Variants in WDR89 observed in about 807,000 individuals in gnomAD.
WDR89 encodes WD repeat-containing protein 89.
WDR89 carries 17 observed loss-of-function variants against 29.1 expected under a neutral mutation model. The ratio of observed to expected loss-of-function variants is 0.58; its 90% CI spans 0.40 to 0.88. The LOEUF is 0.88. Among genes scored for constraint, WDR89 ranks in the 40% least tolerant of loss-of-function variants. The pLI, the probability that WDR89 is intolerant of heterozygous loss-of-function variation, is 0.00. For missense variants in WDR89, 396 were observed against 456.3 expected (o/e 0.87, Z 1.20); for synonymous variants, 138 against 157.8 (o/e 0.87, Z 0.94).
At chr14:63,628,893 G>A (rs904792099) in intron 1 of WDR89, among the ~76,000 whole-genome samples, 2 of 151,640 alleles carry the variant, frequency 1.3e-5, no homozygotes, top group South Asian at 2.1e-4. Flanking sequence ...GAGTCTGGGG[G>A]CACCTATACT....
chr14:63,599,904 A>G lies in WDR89; in HGVS notation c.39T>C (p.Ile13=). The change falls in exon 3 of 3, where the codon ATT becomes ATC. Residue 13 remains isoleucine, a synonymous_variant. Transcript: ENST00000620954. The part of the protein sequence containing the change: ...KIEEQFANLH[I]VKCSLGTKEP... ...CTTTGGTTCCTAAGGAACATTTAAC[A>G]ATGTGCAGATTAGCAAATTGTTCCT... 6.2e-7 allele frequency: 1 copy of G among 1,611,482 alleles called. No individual in the cohort carries two copies. Among genetic ancestry groups the G allele is most frequent in the African/African-American group, 1.3e-5 (1 of 74,954 alleles).
chr14:63,628,389 G>A (rs1475500811), intron 1 of WDR89, among the ~76,000 whole-genome samples: 1 of 152,154 alleles, frequency 6.6e-6, no homozygotes, highest in Non-Finnish European at 1.5e-5. Context: ...TTCTTAGGCT[G>A]CAACATTCAT....
chr14:63,626,658 T>TAC (rs1267687111), intron 1 of WDR89, among the ~76,000 whole-genome samples: 1 of 105,326 alleles, frequency 9.5e-6, no homozygotes, highest in African/African-American at 3.6e-5. Flanking sequence ...CAGCCTGGGC[T>TAC]ACAGAGTGAG....
At chr14:63,616,717 C>T (rs774288949) in intron 2 of WDR89, among the ~76,000 whole-genome samples, 31 of 152,140 alleles carry the variant, frequency 2.0e-4, no homozygotes, top group South Asian at 8.3e-4. Flanking sequence ...AGAGCTCCAT[C>T]GGTCATGGTA....
At position 63,599,163 on chromosome 14, in the gene WDR89, G is replaced by A. The variant is rs530394636; in HGVS notation, c.780C>T (p.Ile260=). 2.2e-5 allele frequency: 36 copies of A among 1,612,668 alleles called. No homozygotes were observed. The highest frequency in any genetic ancestry group is 3.3e-5 in the Admixed American group (2 of 59,986). Residue 260 remains isoleucine (I), a synonymous_variant, in exon 3 of 3, where the codon ATC becomes ATT. Coordinates refer to ENST00000620954, the MANE Select transcript of WDR89 (RefSeq NM_080666.4). Reference sequence around the variant, plus strand: ...TGTTAACTACTTCTCTGACATCCTGGATGTTCAAACGTGTAACTGGTTCAT... The same window carrying A: ...TGTTAACTACTTCTCTGACATCCTGAATGTTCAAACGTGTAACTGGTTCAT... The part of the protein sequence containing the change: ...DTDEPVTRLN[I]QDVREVVNMK...
At chr14:63,631,835 G>C (rs945645743) in intron 1 of WDR89, among the ~76,000 whole-genome samples, 5 of 152,298 alleles carry the variant, frequency 3.3e-5, no homozygotes, top group African/African-American at 9.6e-5. Flanking sequence ...ATCCAGGCCA[G>C]GTGCGGTGGT....
intron 2 of WDR89, among the ~76,000 whole-genome samples, chr14:63,600,518 A>T (rs1455652454): frequency 6.6e-6 from 1 of 151,932 alleles, no homozygotes. Context: ...AAAATGCTGA[A>T]TTTACTATAT....
chr14:63,602,721 G>A (rs12881647), intron 2 of WDR89, among the ~76,000 whole-genome samples: 18 of 150,042 alleles, frequency 1.2e-4, no homozygotes, highest in East Asian at 4.0e-4. Flanking sequence ...GCGGTGAGCC[G>A]AGATCGCGCC....
At chr14:63,612,349 C>T (rs116860949) in intron 2 of WDR89, among the ~76,000 whole-genome samples, 582 of 146,394 alleles carry the variant, frequency 4.0e-3, no homozygotes, top group Non-Finnish European at 6.3e-3. Flanking sequence ...TTTTTTGAGA[C>T]GGAATCTCCT....
rs368946677 is a variant in WDR89 at position 63,632,450 on chromosome 14, G to A, written c.-137-7417C>T. Among the ~76,000 whole-genome samples the A allele has an allele frequency of 3.9e-4, 59 of 152,202 alleles. 1 individual carries two copies. Among genetic ancestry groups the A allele is most frequent in the East Asian group, 1.2e-3 (6 of 5,168 alleles). On this transcript the variant is annotated intron_variant, in intron 1 of 2. Coordinates refer to ENST00000620954, the MANE Select transcript of WDR89 (RefSeq NM_080666.4). ...GTTCAAGACCAGCCTGGCCAACATG[G>A]TGAAACCCGTCTCTACTTAAAAAAA...
intron 2 of WDR89, 107 bp downstream of exon 2, chr14:63,624,821 G>C (rs2139550118): frequency 6.6e-6 from 1 of 152,150 alleles, no homozygotes; most frequent in Admixed American, 6.6e-5. Flanking sequence ...ACCAAGTTCT[G>C]GCAAAAATGC....
intron 2 of WDR89, among the ~76,000 whole-genome samples, chr14:63,616,969 G>C (rs916118016): frequency 1.3e-5 from 2 of 151,662 alleles, no homozygotes; most frequent in African/African-American, 2.4e-5. Flanking sequence ...GTGAGAGAAG[G>C]GCAGTCAAAA....
At position 63,598,542 on chromosome 14, in the gene WDR89, G is replaced by C; in HGVS notation, c.*237C>G. Reference sequence around the variant, plus strand: ...AAAGCCAACATTTACTACATTAACAGATGGGTTCTTTAAATAAGAAATTTT... The same window carrying C: ...AAAGCCAACATTTACTACATTAACACATGGGTTCTTTAAATAAGAAATTTT... On this transcript the variant is annotated 3_prime_UTR_variant, in exon 3 of 3. Coordinates refer to ENST00000620954, the MANE Select transcript of WDR89 (RefSeq NM_080666.4). The C allele has an allele frequency of 3.0e-6, 1 of 333,624 alleles. No individual in the cohort carries two copies. The highest frequency in any genetic ancestry group is 5.4e-6 in the Non-Finnish European group (1 of 186,688). 20.7% of individuals were successfully genotyped at this position (333,624 alleles called of 1,614,324 possible). A position where few individuals can be genotyped will look rare whatever the true frequency, so the allele number is the denominator to read the frequency against.
At chr14:63,627,623 A>C (rs528751785) in intron 1 of WDR89, among the ~76,000 whole-genome samples, 8 of 152,072 alleles carry the variant, frequency 5.3e-5, no homozygotes, top group South Asian at 2.1e-4. Flanking sequence ...CTCTCTCTCT[A>C]GTTTTGCCTT....
intron 2 of WDR89, chr14:63,601,655 A>T: frequency 6.2e-7 from 1 of 1,613,240 alleles, no homozygotes; most frequent in Non-Finnish European, 8.5e-7. Context: ...TCGCTGTTGG[A>T]TCGGGTTCTA....
intron 2 of WDR89, among the ~76,000 whole-genome samples, chr14:63,615,534 G>C (rs1251670880): frequency 1.3e-5 from 2 of 152,144 alleles, no homozygotes; most frequent in Non-Finnish European, 2.9e-5. Context: ...CATTATCTAA[G>C]AGCCAGCTAC....
intron 2 of WDR89, among the ~76,000 whole-genome samples, chr14:63,602,959 T>C (rs1328449481): frequency 2.0e-5 from 3 of 152,080 alleles, no homozygotes. Context: ...GGTTTCACCG[T>C]GTTAGCCAGG....
chr14:63,600,780 A>C (rs1235015792), intron 2 of WDR89, among the ~76,000 whole-genome samples: 1 of 149,914 alleles, frequency 6.7e-6, no homozygotes, highest in East Asian at 2.0e-4. Flanking sequence ...TTCATGCCTT[A>C]ATCCCTGGAA....
In WDR89 at chr14:63,610,733, C is replaced by T. The variant is rs1366486146; in HGVS notation, c.-31-10760G>A. The stretch of plus-strand genomic sequence containing the variant: ...TTTTTTTTTTTTTGAGAGGGAGTCT[C>T]ACTCTGTCACCCAGGCTGGAGTGCA... On this transcript the variant is annotated intron_variant, in intron 2 of 2. Coordinates refer to ENST00000620954, the MANE Select transcript of WDR89 (RefSeq NM_080666.4). Among the ~76,000 whole-genome samples, 3 of 139,612 alleles carry T rather than the reference C, an allele frequency of 2.1e-5. No individual in the cohort carries two copies. In the East Asian group the frequency reaches 6.2e-4, roughly 29 times the overall value. 91.6% of individuals were successfully genotyped at this position (139,612 alleles called of 152,430 possible). A position where few individuals can be genotyped will look rare whatever the true frequency, so the allele number is the denominator to read the frequency against.
Sources: allele counts gnomAD v4.1 joint callset (sites outside exome capture counted in the v4.1 genomes callset), GRCh38; gene constraint gnomAD v4.1.1; transcripts MANE v1.5; gene names NCBI Gene and HGNC (gene_info 2026-07-23, HGNC 2026-07-21).